The following PTPRK variants were observed in gnomAD, a reference collection of about 807,000 sequenced individuals.
PTPRK encodes the protein receptor-type tyrosine-protein phosphatase kappa.
Under a neutral mutation model 178.0 loss-of-function variants are expected in PTPRK, and 75 were observed. The observed-to-expected ratio is 0.42, with a 90% CI of 0.35 to 0.51. The LOEUF (loss-of-function observed/expected upper bound fraction) is 0.51. Ranked by LOEUF, PTPRK falls within the 20% of genes least tolerant of loss-of-function variation. The pLI is 0.02. For missense variants in PTPRK, 1,441 were observed against 1,797.8 expected, an observed-to-expected ratio of 0.80 and a Z score of 3.59; for synonymous variants, 637 against 620.6, an observed-to-expected ratio of 1.03 and a Z score of -0.39.
intron 5 of PTPRK, chr6:128,235,269 AAAT>A (rs1813031268): frequency 6.6e-6 from 1 of 152,196 alleles, no homozygotes; most frequent in Non-Finnish European, 1.5e-5. Context: ...ATAATACTGA[AAAT>A]AAATAATTCA....
chr6:128,466,049 G>A (rs1849806509), intron 1 of PTPRK, among the ~76,000 whole-genome samples: 1 of 152,138 alleles, frequency 6.6e-6, no homozygotes, highest in African/African-American at 2.4e-5. Flanking sequence ...GGGATCCTGT[G>A]TCACTGCACT....
chr6:128,416,364 G>T (rs970013052), intron 1 of PTPRK, among the ~76,000 whole-genome samples: 69 of 151,688 alleles, frequency 4.5e-4, no homozygotes, highest in African/African-American at 1.6e-3. Flanking sequence ...AGAGGTGGCC[G>T]GGCACGGTGG....
At chr6:128,400,685 C>G (rs1302018581) in intron 1 of PTPRK, among the ~76,000 whole-genome samples, 1 of 152,116 alleles carries the variant, frequency 6.6e-6, no homozygotes, top group African/African-American at 2.4e-5. Context: ...TTCCTATTGA[C>G]CATTTAGGAC....
At chr6:128,389,822 A>C (rs1483886655) in intron 2 of PTPRK, among the ~76,000 whole-genome samples, 1 of 152,014 alleles carries the variant, frequency 6.6e-6, no homozygotes, top group Non-Finnish European at 1.5e-5. Context: ...TGTACCTGAA[A>C]TATCAGGAAA....
intron 13 of PTPRK, among the ~76,000 whole-genome samples, chr6:128,058,940 CT>C (rs1780361715): frequency 1.3e-5 from 2 of 151,760 alleles, no homozygotes; most frequent in South Asian, 4.2e-4. Flanking sequence ...ACCTTTTCCC[CT>C]CTTCCCTACA....
intron 2 of PTPRK, among the ~76,000 whole-genome samples, chr6:128,377,792 A>C (rs1041942234): frequency 6.6e-6 from 1 of 152,170 alleles, no homozygotes. Context: ...TGGAAAAAAA[A>C]AATGTCCTAA....
At chr6:128,049,926 C>G (rs200563075) in intron 13 of PTPRK, among the ~76,000 whole-genome samples, 1 of 152,122 alleles carries the variant, frequency 6.6e-6, no homozygotes, top group Non-Finnish European at 1.5e-5. Flanking sequence ...CACCTGAGGT[C>G]GGGAGTTCAA....
intron 3 of PTPRK, among the ~76,000 whole-genome samples, chr6:128,307,991 A>G (rs563454592): frequency 4.6e-5 from 7 of 152,198 alleles, no homozygotes; most frequent in Non-Finnish European, 7.4e-5. Context: ...ATTTTTAAAA[A>G]TATTACCACT....
At chr6:128,435,114 A>AAGGC (rs1288705836) in intron 1 of PTPRK, among the ~76,000 whole-genome samples, 4 of 79,690 alleles carry the variant, frequency 5.0e-5, no homozygotes, top group East Asian at 1.1e-3. Flanking sequence ...GGAAGGCAGG[A>AAGGC]AGGCAGGCAG....
chr6:128,083,805 T>C lies in PTPRK; in HGVS notation c.1485A>G (p.Val495=), dbSNP rs761118126. ...TDEDVPGPVP[V]KSLQGTSFEN... ...CAAAGGATGTTCCTTGAAGAGATTT[T>C]ACTGGTACGGGACCAGGCACTACAA... The change falls in exon 9 of 30, where the codon GTA becomes GTG. Residue 495 remains valine (V), a synonymous_variant. Transcript: ENST00000368226. 3.7e-6 allele frequency: 6 copies of C among 1,602,316 alleles called. No homozygotes were observed. The African/African-American group carries it at 6.7e-5, about 18-fold the overall frequency.
chr6:128,080,974 T>C (rs1470488226), intron 10 of PTPRK, among the ~76,000 whole-genome samples: 1 of 151,954 alleles, frequency 6.6e-6, no homozygotes, highest in East Asian at 1.9e-4. Context: ...TTATAAACTT[T>C]ATGTTCAACA....
In PTPRK at chr6:128,242,577, C is replaced by T. The variant is rs199547215; in HGVS notation, c.521G>A (p.Gly174Glu). The change falls in exon 4 of 30, where the codon GGA becomes GAA. Residue 174 changes from glycine to glutamate, a missense_variant. Around this residue, in one of 4 missense-constraint regions of PTPRK, gnomAD observed 945 missense variants for 1,080.6 expected, o/e 0.87. Transcript: ENST00000368226. ...AATGGCAATATAACCACTTCTCCCT[C>T]CTGAGACTTCAGCTTCAAATATTAC... ...YQVIFEAEVSGGRSGYIAIDD... is the reference protein window; with the variant it reads ...YQVIFEAEVSEGRSGYIAIDD... The T allele has an allele frequency of 3.1e-6, 5 of 1,612,784 alleles. No homozygotes were observed. The African/African-American group carries it at 5.3e-5, about 17-fold the overall frequency.
At chr6:128,417,098 A>C (rs980580957) in intron 1 of PTPRK, among the ~76,000 whole-genome samples, 1 of 151,448 alleles carries the variant, frequency 6.6e-6, no homozygotes, top group African/African-American at 2.4e-5. Context: ...TTTTATCTAA[A>C]GTCTGTATTT....
intron 7 of PTPRK, among the ~76,000 whole-genome samples, chr6:128,160,808 G>T (rs559983551): frequency 4.5e-4 from 68 of 151,384 alleles, no homozygotes; most frequent in African/African-American, 1.5e-3. Context: ...AAACATTAAG[G>T]CTAATCTTCC....
In PTPRK at chr6:128,031,019, T is replaced by C. The variant is rs116333106; in HGVS notation, c.2195-21751A>G. Among the ~76,000 whole-genome samples, 1,420 of 152,274 alleles carry C rather than the reference T, an allele frequency of 9.3e-3. 19 individuals are homozygous for C. Among genetic ancestry groups the C allele is most frequent in the African/African-American group, 0.032 (1,341 of 41,554 alleles). On this transcript the variant is annotated intron_variant, in intron 13 of 29. Coordinates refer to ENST00000368226, the MANE Select transcript of PTPRK (RefSeq NM_002844.4). ...ATTAAATCAAATGAAACTTCAAATT[T>C]GAAAGAAATACTGGACACTATCACA...
chr6:128,385,117 A>T (rs969628428), intron 2 of PTPRK, among the ~76,000 whole-genome samples: 24 of 149,170 alleles, frequency 1.6e-4, no homozygotes, highest in African/African-American at 5.4e-4. Flanking sequence ...TAATAATTTT[A>T]AAATACTGGT....
intron 6 of PTPRK, among the ~76,000 whole-genome samples, chr6:128,214,235 T>G (rs186012855): frequency 7.9e-5 from 12 of 152,186 alleles, no homozygotes; most frequent in Non-Finnish European, 1.6e-4. Context: ...AGTAAATAAC[T>G]GACATAAAGC....
At chr6:128,010,248 T>G (rs1028655635) in intron 13 of PTPRK, among the ~76,000 whole-genome samples, 3 of 151,232 alleles carry the variant, frequency 2.0e-5, no homozygotes, top group South Asian at 2.1e-4. Context: ...TAAAAATTGG[T>G]GTAACAAGAG....
intron 13 of PTPRK, among the ~76,000 whole-genome samples, chr6:128,047,532 T>C (rs1316727683): frequency 6.6e-6 from 1 of 152,178 alleles, no homozygotes; most frequent in Non-Finnish European, 1.5e-5. Context: ...CAGCTATATC[T>C]GGTGCCAGTG....
Sources: allele counts gnomAD v4.1 joint callset (sites outside exome capture counted in the v4.1 genomes callset), GRCh38; gene constraint gnomAD v4.1.1; regional missense constraint gnomAD v4.1.1; transcripts MANE v1.5; gene names NCBI Gene and HGNC (gene_info 2026-07-23, HGNC 2026-07-21).